The following TAMALIN variants were observed in gnomAD, a reference collection of about 807,000 sequenced individuals.
TAMALIN encodes the protein protein TAMALIN.
Under a neutral mutation model 38.5 loss-of-function variants are expected in TAMALIN, and 9 were observed. The observed-to-expected ratio is 0.23, with a 90% CI of 0.14 to 0.41. The LOEUF (loss-of-function observed/expected upper bound fraction) is 0.41. Among genes scored for constraint, TAMALIN ranks in the 10% least tolerant of loss-of-function variants. TAMALIN has a pLI of 1.00. For missense variants in TAMALIN, 548 were observed against 554.1 expected (o/e 0.99, Z 0.11); for synonymous variants, 306 against 256.5 (o/e 1.19, Z -1.85).
In TAMALIN at chr12:52,015,242, C is replaced by A. The variant is rs1056305803; in HGVS notation, c.*43C>A. On this transcript the variant is annotated 3_prime_UTR_variant, in exon 8 of 8. Transcript: ENST00000293662. Reference sequence around the variant, plus strand: ...GAGGTATTTATTTATTTATTCGCAACAGCCAGCGCTAAAAGAGGGGGAGGC... The same window carrying A: ...GAGGTATTTATTTATTTATTCGCAAAAGCCAGCGCTAAAAGAGGGGGAGGC... 3.9e-6 allele frequency: 6 copies of A among 1,540,340 alleles called. No homozygotes were observed. The highest frequency in any genetic ancestry group is 1.4e-5 in the African/African-American group (1 of 71,378).
intron 1 of TAMALIN, chr12:52,008,849 A>G (rs1942454900): frequency 1.4e-6 from 1 of 720,860 alleles, no homozygotes; most frequent in African/African-American, 1.9e-5. Flanking sequence ...GAGCCTCTAC[A>G]GACATGGGCC....
In TAMALIN at chr12:52,013,955, T is replaced by C. The variant is rs762407788; in HGVS notation, c.615+12T>C. 6.2e-7 allele frequency: 1 copy of C among 1,613,534 alleles called. No individual in the cohort carries two copies. The highest frequency in any genetic ancestry group is 1.3e-5 in the African/African-American group (1 of 74,916). ...TGCAGTACCTGAAGGTAGGGGAACCTAGATAACGTCCAGCCTCCACCCTCC... is the reference window on the plus strand; with the variant it reads ...TGCAGTACCTGAAGGTAGGGGAACCCAGATAACGTCCAGCCTCCACCCTCC... On this transcript the variant is annotated intron_variant, in intron 6 of 7. Coordinates refer to ENST00000293662, the MANE Select transcript of TAMALIN (RefSeq NM_181711.4).
chr12:52,007,876 G>A lies in TAMALIN; in HGVS notation c.246+611G>A. ...GGAACCGGACGCAGTGGGAGGGGTCGCAGGGCGCCCGCGGGGCAGGAAGGA... is the reference window on the plus strand; with the variant it reads ...GGAACCGGACGCAGTGGGAGGGGTCACAGGGCGCCCGCGGGGCAGGAAGGA... On this transcript the variant is annotated intron_variant, in intron 1 of 7. Coordinates refer to ENST00000293662, the MANE Select transcript of TAMALIN (RefSeq NM_181711.4). The surrounding 1 kb of genome is among the most constrained non-coding windows in gnomAD (Gnocchi z 6.7). The A allele has an allele frequency of 1.0e-6, 1 of 985,382 alleles. No individual in the cohort carries two copies. The highest frequency in any genetic ancestry group is 1.2e-6 in the Non-Finnish European group (1 of 829,908). The allele number at this position is 985,382 out of a possible 1,614,324, so 61.0% of individuals were successfully genotyped here. A position where few individuals can be genotyped will look rare whatever the true frequency, so the allele number is the denominator to read the frequency against.
At position 52,011,157 on chromosome 12, in the gene TAMALIN, A is replaced by G; in HGVS notation, c.454+16A>G. On this transcript the variant is annotated intron_variant, in intron 4 of 7. Transcript: ENST00000293662. This position sits in a 1 kb window ranked among gnomAD's most constrained non-coding sequence, Gnocchi z 5.3. ...CTCACACCAGGTGGGGCCTGAGCCC[A>G]GGACACCCAGGTCTGGGAAGGGGAT... The G allele has an allele frequency of 1.9e-6, 3 of 1,609,908 alleles. No individual in the cohort carries two copies. The highest frequency in any genetic ancestry group is 2.5e-6 in the Non-Finnish European group (3 of 1,179,978).
chr12:52,008,598 C>G (rs1331778948), intron 1 of TAMALIN: 1 of 985,324 alleles, frequency 1.0e-6, no homozygotes, highest in Non-Finnish European at 1.2e-6. Context: ...TTGAAACGGC[C>G]TGTACCTTAG....
chr12:52,010,738 A>T, intron 2 of TAMALIN, 143 bp from the exon 3 acceptor site: 3 of 1,018,002 alleles, frequency 2.9e-6, no homozygotes, highest in Non-Finnish European at 4.5e-6. Flanking sequence ...ACATTCCAAT[A>T]ATCTGTGATG....
intron 4 of TAMALIN, 27 bp from the exon 5 acceptor site, chr12:52,013,660 A>C: frequency 6.2e-7 from 1 of 1,609,014 alleles, no homozygotes; most frequent in South Asian, 1.1e-5. Context: ...CCATGGAGCA[A>C]ATCTAACCCC....
Position 52,015,336 on chromosome 12 carries a change from C to T in TAMALIN, c.*137C>T, listed in dbSNP as rs1234161973. 2.8e-6 allele frequency: 3 copies of T among 1,081,996 alleles called. No individual in the cohort carries two copies. Among genetic ancestry groups the T allele is most frequent in the Non-Finnish European group, 3.7e-6 (3 of 801,718 alleles). 67.0% of individuals were successfully genotyped at this position (1,081,996 alleles called of 1,614,324 possible). A position where few individuals can be genotyped will look rare whatever the true frequency, so the allele number is the denominator to read the frequency against. On this transcript the variant is annotated 3_prime_UTR_variant, in exon 8 of 8. Transcript: ENST00000293662. ...CCTTCCTAGCCTCGGCCCGCCGGGT[C>T]GGTTCCTGGCTGGTGTCTGCTGAGG...
At position 52,015,219 on chromosome 12, in the gene TAMALIN, G is replaced by A. The variant is rs1257548178; in HGVS notation, c.*20G>A. 7.6e-6 allele frequency: 12 copies of A among 1,574,472 alleles called. No individual in the cohort carries two copies. The highest frequency in any genetic ancestry group is 1.0e-5 in the Non-Finnish European group (12 of 1,169,958). On this transcript the variant is annotated 3_prime_UTR_variant, in exon 8 of 8. Coordinates refer to ENST00000293662, the MANE Select transcript of TAMALIN (RefSeq NM_181711.4). The stretch of plus-strand genomic sequence containing the variant: ...CTGTAGGGGCGGGGGCGGGCAGGGA[G>A]GTATTTATTTATTTATTCGCAACAG...
intron 7 of TAMALIN, 162 bp downstream of exon 7, chr12:52,014,363 A>T: frequency 1.5e-6 from 1 of 674,470 alleles, no homozygotes; most frequent in Non-Finnish European, 2.7e-6. Flanking sequence ...GTACTGCCGC[A>T]GCCACATTTC....
Position 52,007,863 on chromosome 12 carries a change from AGTG to A in TAMALIN, c.246+600_246+602del. On this transcript the variant is annotated intron_variant, in intron 1 of 7. Coordinates refer to ENST00000293662, the MANE Select transcript of TAMALIN (RefSeq NM_181711.4). The surrounding 1 kb of genome is among the most constrained non-coding windows in gnomAD (Gnocchi z 6.7). ...CTGGACTTCTGTCGGAACCGGACGC[AGTG>A]GGAGGGGTCGCAGGGCGCCCGCGGG... 1 of 985,382 alleles carries A rather than the reference AGTG, an allele frequency of 1.0e-6. No homozygotes were observed. Among genetic ancestry groups the A allele is most frequent in the Non-Finnish European group, 1.2e-6 (1 of 829,894 alleles). 61.0% of individuals were successfully genotyped at this position (985,382 alleles called of 1,614,324 possible).
intron 2 of TAMALIN, chr12:52,010,415 T>G (rs1592271976): frequency 1.3e-6 from 1 of 760,282 alleles, no homozygotes. Flanking sequence ...CCACATCTGG[T>G]GGGCTGGCCC....
intron 6 of TAMALIN, 58 bp downstream of exon 6, chr12:52,014,001 G>A: frequency 6.3e-7 from 1 of 1,584,424 alleles, no homozygotes; most frequent in South Asian, 1.1e-5. Flanking sequence ...CCTCTGCCCT[G>A]TGGGGGGTCA....
At chr12:52,008,677 C>T (rs1208255567) in intron 1 of TAMALIN, 1 of 985,294 alleles carries the variant, frequency 1.0e-6, no homozygotes, top group Non-Finnish European at 1.2e-6. Context: ...GTCCCTGACC[C>T]CAGCCCTCCC....
chr12:52,013,253 A>G (rs1937699936), intron 4 of TAMALIN, among the ~76,000 whole-genome samples: 1 of 148,838 alleles, frequency 6.7e-6, no homozygotes, highest in South Asian at 2.1e-4. Context: ...AATTTTTTGT[A>G]TTTTTAGTAG....
At position 52,014,797 on chromosome 12, in the gene TAMALIN, G is replaced by T; in HGVS notation, c.786G>T (p.Leu262=). Residue 262 remains leucine (L), a synonymous_variant, in exon 8 of 8, where the codon CTG becomes CTT. Transcript: ENST00000293662. The part of the protein sequence containing the change: ...LLPGSLPFGP[L]LAVPGRPRGG... ...CGGGCTCGCTGCCCTTCGGGCCTCT[G>T]CTCGCCGTGCCCGGGCGTCCCCGCG... is the stretch of plus-strand genomic sequence containing the variant. 7.1e-7 allele frequency: 1 copy of T among 1,408,092 alleles called. No individual in the cohort carries two copies. The allele number at this position is 1,408,092 out of a possible 1,614,324, so 87.2% of individuals were successfully genotyped here.
chr12:52,014,772 C>T lies in TAMALIN; in HGVS notation c.761C>T (p.Pro254Leu). The T allele has an allele frequency of 6.8e-7, 1 of 1,477,816 alleles. No homozygotes were observed. Among genetic ancestry groups the T allele is most frequent in the Non-Finnish European group, 8.9e-7 (1 of 1,123,460 alleles). 91.5% of individuals were successfully genotyped at this position (1,477,816 alleles called of 1,614,324 possible). The part of the protein sequence containing the change: ...RSCLYGAGLL[P>L]GSLPFGPLLA... Reference sequence around the variant, plus strand: ...TGCCTCTACGGCGCGGGCCTGCTCCCGGGCTCGCTGCCCTTCGGGCCTCTG... The same window carrying T: ...TGCCTCTACGGCGCGGGCCTGCTCCTGGGCTCGCTGCCCTTCGGGCCTCTG... Residue 254 changes from proline to leucine, a missense_variant, in exon 8 of 8, where the codon CCG (proline) becomes CTG (leucine). Physicochemically the swap from Pro to Leu is moderately conservative, Grantham distance 98. This residue lies in a region of TAMALIN where 415 missense variants were observed against 417.0 expected (regional missense o/e 1.00). Transcript: ENST00000293662.
Position 52,009,193 on chromosome 12 carries a change from T to C in TAMALIN, c.250T>C (p.Ser84Pro), listed in dbSNP as rs1448220239. Reference sequence around the variant, plus strand: ...TTCTGACCATCTTACTGCCCAGGGCTCAGGATTCCGCTGGAAGAATCTCAG... The same window carrying C: ...TTCTGACCATCTTACTGCCCAGGGCCCAGGATTCCGCTGGAAGAATCTCAG... Reference protein sequence around the residue: ...SGGTLPRRKGSGFRWKNLSQS... With the variant: ...SGGTLPRRKGPGFRWKNLSQS... Residue 84 changes from serine (S) to proline (P), a missense_variant, in exon 2 of 8, where the codon TCA becomes CCA. By Grantham distance (74) the Ser-to-Pro change is moderately conservative. Around this residue, in one of 3 missense-constraint regions of TAMALIN, gnomAD observed 5 missense variants for 19.2 expected, o/e 0.26. Transcript: ENST00000293662. The C allele has an allele frequency of 1.2e-6, 2 of 1,613,916 alleles. No homozygotes were observed. The highest frequency in any genetic ancestry group is 1.1e-5 in the South Asian group (1 of 91,084).
intron 1 of TAMALIN, among the ~76,000 whole-genome samples, 189 bp from the exon 2 acceptor site, chr12:52,009,001 T>G (rs143302061): frequency 6.6e-6 from 1 of 152,166 alleles, no homozygotes; most frequent in Non-Finnish European, 1.5e-5. Context: ...GTAAGGCCTG[T>G]AGAGAAAGTT....
Sources: gnomAD v4.1 joint callset for allele counts (sites outside exome capture counted in the v4.1 genomes callset) on GRCh38, gnomAD v4.1.1 for gene constraint, gnomAD v4.1.1 regional missense constraint, Gnocchi (gnomAD v3.1) non-coding constraint, MANE v1.5 for transcripts, NCBI Gene and HGNC (gene_info 2026-07-23, HGNC 2026-07-21) for gene names.